Variants in SH2D4A observed in about 807,000 individuals in gnomAD.
SH2D4A encodes the protein SH2 domain-containing protein 4A.
In SH2D4A, 70 loss-of-function variants were observed where a neutral mutation model predicts 64.7. The ratio of observed to expected loss-of-function variants is 1.08; its 90% CI spans 0.89 to 1.32. The LOEUF is 1.32. Ranked by LOEUF, SH2D4A falls within the 40% of genes most tolerant of loss-of-function variation. The probability of loss-of-function intolerance (pLI) is 0.00; values close to 1 mark genes in which losing one functional copy is unlikely to be tolerated. For missense variants in SH2D4A, 706 were observed against 540.1 expected (o/e 1.31, Z -3.04); for synonymous variants, 268 against 200.7 (o/e 1.34, Z -2.83).
chr8:19,389,407 C>G (rs2053447549), intron 8 of SH2D4A, among the ~76,000 whole-genome samples: 4 of 152,198 alleles, frequency 2.6e-5, no homozygotes, highest in Admixed American at 2.6e-4. Context: ...ATCACAAGCC[C>G]TATTTCAGAG....
chr8:19,332,536 A>G (rs1262474931), intron 2 of SH2D4A, among the ~76,000 whole-genome samples: 2 of 151,968 alleles, frequency 1.3e-5, no homozygotes, highest in African/African-American at 4.8e-5. Context: ...TGTCTCTACT[A>G]AAAATACAAA....
At chr8:19,317,688 G>A (rs1209041130) in intron 1 of SH2D4A, among the ~76,000 whole-genome samples, 1 of 152,138 alleles carries the variant, frequency 6.6e-6, no homozygotes, top group Non-Finnish European at 1.5e-5. Flanking sequence ...CAGATGGTGA[G>A]AGGGGCATTA....
At chr8:19,393,633 A>G in intron 9 of SH2D4A, 92 bp downstream of exon 9, 1 of 1,292,284 alleles carries the variant, frequency 7.7e-7, no homozygotes, top group African/African-American at 1.5e-5. Context: ...AAGGACTGAG[A>G]CAAGTACTGG....
chr8:19,380,340 G>A (rs1301085492), intron 8 of SH2D4A, among the ~76,000 whole-genome samples: 1 of 152,120 alleles, frequency 6.6e-6, no homozygotes, highest in Non-Finnish European at 1.5e-5. Context: ...ACTCTGTTGA[G>A]AGTGTCTTTT....
At chr8:19,333,251 C>T in intron 3 of SH2D4A, 137 bp downstream of exon 3, 1 of 939,824 alleles carries the variant, frequency 1.1e-6, no homozygotes, top group South Asian at 2.2e-5. Flanking sequence ...CTTTGGATCT[C>T]TTTGGAAGGT....
intron 8 of SH2D4A, among the ~76,000 whole-genome samples, chr8:19,385,178 G>A (rs2053363261): frequency 6.6e-6 from 1 of 151,298 alleles, no homozygotes; most frequent in African/African-American, 2.4e-5. Flanking sequence ...ACTTTGGTGG[G>A]ATAGCAATAT....
At position 19,383,218 on chromosome 8, in the gene SH2D4A, G is replaced by C. The variant is rs183615917; in HGVS notation, c.1048+9558G>C. ...CATTTGATGCTGTTCCGTAGGTCTG[G>C]TAGGCTGTGTTCACTTTTCTTTATT... On this transcript the variant is annotated intron_variant, in intron 8 of 9. Coordinates refer to ENST00000265807, the MANE Select transcript of SH2D4A (RefSeq NM_022071.4). 3.8e-3 allele frequency among the ~76,000 whole-genome samples: 579 copies of C among 152,130 alleles called. 7 individuals are homozygous for C. Among genetic ancestry groups the C allele is most frequent in the African/African-American group, 0.013 (550 of 41,516 alleles).
chr8:19,362,362 ATT>A (rs2052905647), intron 6 of SH2D4A, among the ~76,000 whole-genome samples: 1 of 152,224 alleles, frequency 6.6e-6, no homozygotes, highest in South Asian at 2.1e-4. Context: ...TACATTCTGC[ATT>A]TGAGTCTCAT....
At chr8:19,314,019 C>A in intron 1 of SH2D4A, 196 bp downstream of exon 1, 1 of 1,056,608 alleles carries the variant, frequency 9.5e-7, no homozygotes, top group Non-Finnish European at 1.1e-6. Flanking sequence ...GCGGCGAGAG[C>A]GGCCGCGGCG....
intron 8 of SH2D4A, among the ~76,000 whole-genome samples, chr8:19,392,932 G>T (rs912477092): frequency 3.3e-5 from 5 of 151,972 alleles, no homozygotes; most frequent in Non-Finnish European, 7.4e-5. Context: ...TAGTAGACAT[G>T]GGGTTTCACC....
intron 2 of SH2D4A, among the ~76,000 whole-genome samples, chr8:19,326,986 C>T (rs1287545849): frequency 6.6e-6 from 1 of 152,166 alleles, no homozygotes; most frequent in Non-Finnish European, 1.5e-5. Context: ...GGACCAAGCC[C>T]GGCCATCTCC....
At position 19,321,803 on chromosome 8, in the gene SH2D4A, A is replaced by G. The variant is rs1476072416; in HGVS notation, c.181+2075A>G. Among the ~76,000 whole-genome samples the G allele has an allele frequency of 9.9e-5, 15 of 152,156 alleles. No homozygotes were observed. In the East Asian group the frequency reaches 2.9e-3, roughly 29 times the overall value. ...GGTGACCTTGGGGACTAGCAGCCAA[A>G]GGGTTCTTGCCACTAGAGTCAATGG... On this transcript the variant is annotated intron_variant, in intron 2 of 9. Coordinates refer to ENST00000265807, the MANE Select transcript of SH2D4A (RefSeq NM_022071.4).
rs2052415629 is a variant in SH2D4A at position 19,334,669 on chromosome 8, C to T, written c.342-17C>T. On this transcript the variant is annotated splice_polypyrimidine_tract_variant and intron_variant, in intron 3 of 9. Coordinates refer to ENST00000265807, the MANE Select transcript of SH2D4A (RefSeq NM_022071.4). Reference sequence around the variant, plus strand: ...TGAAGAATGTTTTTTGAGAATTTCACTTTTGCCTCTCTTCAGAAAAACTCA... The same window carrying T: ...TGAAGAATGTTTTTTGAGAATTTCATTTTTGCCTCTCTTCAGAAAAACTCA... The T allele has an allele frequency of 6.4e-6, 10 of 1,574,756 alleles. No homozygotes were observed. Among genetic ancestry groups the T allele is most frequent in the Non-Finnish European group, 8.6e-6 (10 of 1,163,566 alleles).
At chr8:19,386,645 C>T (rs951527948) in intron 8 of SH2D4A, among the ~76,000 whole-genome samples, 2 of 152,150 alleles carry the variant, frequency 1.3e-5, no homozygotes, top group Non-Finnish European at 2.9e-5. Flanking sequence ...GGGGCAGGTA[C>T]AGTGGGTGTG....
At chr8:19,353,375 T>TTC (rs982288016) in intron 4 of SH2D4A, among the ~76,000 whole-genome samples, 4 of 150,988 alleles carry the variant, frequency 2.6e-5, no homozygotes, top group African/African-American at 9.8e-5. Context: ...CTAGTTTTTT[T>TTC]TTTTTTTTTT....
At chr8:19,344,658 G>A (rs28758408) in intron 4 of SH2D4A, among the ~76,000 whole-genome samples, 54,022 of 151,982 alleles carry the variant, frequency 0.36, 9,985 homozygotes, top group Non-Finnish European at 0.42. Context: ...AGATTAGGGC[G>A]TGGGTATCTT....
At chr8:19,327,981 C>T (rs542627163) in intron 2 of SH2D4A, among the ~76,000 whole-genome samples, 1 of 152,316 alleles carries the variant, frequency 6.6e-6, no homozygotes, top group Admixed American at 6.5e-5. Flanking sequence ...TGACACTGCC[C>T]TGTCCCTTTC....
intron 8 of SH2D4A, among the ~76,000 whole-genome samples, chr8:19,390,566 G>A (rs181826567): frequency 1.4e-3 from 215 of 152,256 alleles, no homozygotes; most frequent in Middle Eastern, 3.4e-3. Context: ...ATTGACCTGT[G>A]TATTTAGCTG....
At chr8:19,315,576 C>G (rs1023099016) in intron 1 of SH2D4A, among the ~76,000 whole-genome samples, 1 of 152,226 alleles carries the variant, frequency 6.6e-6, no homozygotes, top group African/African-American at 2.4e-5. Flanking sequence ...TCATGGAAAA[C>G]AACGGATTCT....
Sources: gnomAD v4.1 joint callset for allele counts (sites outside exome capture counted in the v4.1 genomes callset) on GRCh38, gnomAD v4.1.1 for gene constraint, MANE v1.5 for transcripts, NCBI Gene and HGNC (gene_info 2026-07-23, HGNC 2026-07-21) for gene names.